Variants in MACF1 observed in about 807,000 individuals in gnomAD.
MACF1 encodes the protein microtubule-actin cross-linking factor 1.
MACF1 carries 193 observed loss-of-function variants against 854.8 expected under a neutral mutation model. That is an observed-to-expected ratio of 0.23 (90% CI 0.20 to 0.25). MACF1 has a LOEUF of 0.25. MACF1 is among the 10% of genes least tolerant of loss of function. MACF1 has a pLI of 1.00. For missense variants in MACF1, 7,722 were observed against 8,929.1 expected (o/e 0.86, Z 5.45); for synonymous variants, 3,185 against 3,226.7 (o/e 0.99, Z 0.44).
chr1:39,409,925 A>G lies in MACF1; in HGVS notation c.15817-12449A>G, dbSNP rs1168592805. 9.6e-6 allele frequency: 2 copies of G among 207,830 alleles called. No individual in the cohort carries two copies. The highest frequency in any genetic ancestry group is 2.2e-4 in the East Asian group (2 of 8,958). 12.9% of individuals were successfully genotyped at this position (207,830 alleles called of 1,614,324 possible). On this transcript the variant is annotated intron_variant, in intron 58 of 100. Transcript: ENST00000564288. This position sits in a 1 kb window ranked among gnomAD's most constrained non-coding sequence, Gnocchi z 4.2. ...CGGTGAGAAGTGAGTGGAACTAGAT[A>G]TCGAAAAAGACTCGTCAATATCAGA... is the stretch of plus-strand genomic sequence containing the variant.
At chr1:39,481,654 T>C (rs1645014258) in intron 99 of MACF1, among the ~76,000 whole-genome samples, 1 of 152,260 alleles carries the variant, frequency 6.6e-6, no homozygotes, top group South Asian at 2.1e-4. Flanking sequence ...CAATTAAGCA[T>C]GTTCAAGTGC....
intron 97 of MACF1, among the ~76,000 whole-genome samples, chr1:39,469,917 T>C (rs751589419): frequency 6.6e-6 from 1 of 151,984 alleles, no homozygotes; most frequent in South Asian, 2.1e-4. Context: ...GTAGATGCTC[T>C]TATCTCTGTT....
chr1:39,171,915 C>G (rs552483829), intron 2 of MACF1, among the ~76,000 whole-genome samples: 2 of 152,374 alleles, frequency 1.3e-5, no homozygotes, highest in East Asian at 3.8e-4. Flanking sequence ...CGTGAGCCAC[C>G]ACGCCCGGCC....
intron 22 of MACF1, among the ~76,000 whole-genome samples, chr1:39,302,673 G>A (rs1646074338): frequency 6.6e-6 from 1 of 152,094 alleles, no homozygotes; most frequent in African/African-American, 2.4e-5. Flanking sequence ...CATAGTCTGG[G>A]TTACTTGACA....
intron 2 of MACF1, among the ~76,000 whole-genome samples, chr1:39,180,304 T>G (rs1434831397): frequency 6.6e-6 from 1 of 151,900 alleles, no homozygotes; most frequent in Admixed American, 6.6e-5. Flanking sequence ...TAGGGATGAG[T>G]TGTGGCCAAT....
At chr1:39,260,758 C>T (rs377294693) in intron 6 of MACF1, among the ~76,000 whole-genome samples, 35 of 152,240 alleles carry the variant, frequency 2.3e-4, no homozygotes, top group African/African-American at 8.4e-4. Context: ...CAAAAAACCC[C>T]ATGAATTTTT....
intron 15 of MACF1, among the ~76,000 whole-genome samples, chr1:39,291,145 T>G (rs1045237012): frequency 2.0e-5 from 3 of 149,182 alleles, no homozygotes; most frequent in African/African-American, 5.0e-5. Context: ...CCTGGCTGAT[T>G]TTTGTATTTT....
chr1:39,196,250 T>C (rs561984124), intron 2 of MACF1, among the ~76,000 whole-genome samples: 63 of 152,358 alleles, frequency 4.1e-4, no homozygotes, highest in African/African-American at 1.5e-3. Context: ...ATAATACTCA[T>C]GGCATCTATG....
At chr1:39,471,510 A>G (rs1644776730) in intron 97 of MACF1, among the ~76,000 whole-genome samples, 1 of 152,220 alleles carries the variant, frequency 6.6e-6, no homozygotes, top group South Asian at 2.1e-4. Flanking sequence ...TTTAAAAGGT[A>G]GAAGATATCT....
intron 26 of MACF1, among the ~76,000 whole-genome samples, chr1:39,314,563 TCTCTCTCA>T (rs1310608686): frequency 4.8e-4 from 21 of 43,990 alleles, no homozygotes; most frequent in Non-Finnish European, 6.6e-4. Context: ...TCTCTCTCTC[TCTCTCTCA>T]CACACACACA....
intron 16 of MACF1, 129 bp downstream of exon 16, chr1:39,292,167 T>A: frequency 9.3e-7 from 1 of 1,080,824 alleles, no homozygotes; most frequent in Non-Finnish European, 1.3e-6. Context: ...TGAAGAGCGG[T>A]TTATGACAAA....
In MACF1 at chr1:39,309,703, A is replaced by C. The variant is rs1158381973; in HGVS notation, c.2916+7A>C. ...GACCTGGAACCTAGAAAAGGTAATT[A>C]TGAAAACCTTACCCCAGGCTTACAT... On this transcript the variant is annotated splice_region_variant and intron_variant, in intron 24 of 100. Coordinates refer to ENST00000564288, the MANE Select transcript of MACF1 (RefSeq NM_001394062.1). 1 of 1,608,330 alleles carries C rather than the reference A, an allele frequency of 6.2e-7. No homozygotes were observed. The highest frequency in any genetic ancestry group is 1.3e-5 in the African/African-American group (1 of 74,616).
At chr1:39,085,013 C>T (rs772841033) in intron 2 of MACF1, among the ~76,000 whole-genome samples, 1 of 152,122 alleles carries the variant, frequency 6.6e-6, no homozygotes, top group Non-Finnish European at 1.5e-5. Flanking sequence ...TTTCACACGA[C>T]GTGAAGGCTG....
chr1:39,310,373 G>A lies in MACF1; in HGVS notation c.3045G>A (p.Glu1015=). ...FSVADRLRLE[E]EVEACKARFQ... is the part of the protein sequence containing the mutation. ...TGGCTGATCGCTTGCGCTTGGAAGA[G>A]GAGGTGGAAGCTTGTAAAGCCCGCT... Residue 1015 remains glutamate (E), a synonymous_variant, in exon 25 of 101, where the codon GAG becomes GAA. Coordinates refer to ENST00000564288, the MANE Select transcript of MACF1 (RefSeq NM_001394062.1). 6.2e-7 allele frequency: 1 copy of A among 1,614,170 alleles called. No individual in the cohort carries two copies. The highest frequency in any genetic ancestry group is 8.5e-7 in the Non-Finnish European group (1 of 1,180,022).
In MACF1 at chr1:39,331,825, T is replaced by A. The variant is rs1346925836; in HGVS notation, c.5237T>A (p.Val1746Asp). The change falls in exon 37 of 101, where the codon GTT becomes GAT. Residue 1746 changes from valine to aspartate, a missense_variant. Coordinates refer to ENST00000564288, the MANE Select transcript of MACF1 (RefSeq NM_001394062.1). The stretch of plus-strand genomic sequence containing the variant: ...GTGAGCTTGAAATCAGGCCGGAAGG[T>A]TAGCATTTTCCGTGCAGTTCAGGAA... Reference protein sequence around the residue: ...GMVSLKSGRKVSIFRAVQEGL... With the variant: ...GMVSLKSGRKDSIFRAVQEGL... 1 of 1,613,980 alleles carries A rather than the reference T, an allele frequency of 6.2e-7. No individual in the cohort carries two copies. Among genetic ancestry groups the A allele is most frequent in the South Asian group, 1.1e-5 (1 of 91,068 alleles).
intron 1 of MACF1, among the ~76,000 whole-genome samples, chr1:39,216,360 T>C (rs903745738): frequency 6.6e-6 from 1 of 152,296 alleles, no homozygotes; most frequent in African/African-American, 2.4e-5. Flanking sequence ...TTGTGGAACA[T>C]GTATTTGTCT....
intron 2 of MACF1, 100 bp downstream of exon 2, chr1:39,231,343 C>A (rs1182363260): frequency 1.5e-5 from 16 of 1,100,546 alleles, no homozygotes; most frequent in South Asian, 2.5e-5. Flanking sequence ...TTGCTGTGTG[C>A]TCAAGTCTAT....
At chr1:39,290,310 C>T (rs1645748585) in intron 15 of MACF1, among the ~76,000 whole-genome samples, 1 of 152,186 alleles carries the variant, frequency 6.6e-6, no homozygotes, top group African/African-American at 2.4e-5. Context: ...AGTGTATGTT[C>T]TTGGCACATT....
chr1:39,443,674 G>C, intron 79 of MACF1, 100 bp downstream of exon 79: 1 of 1,300,980 alleles, frequency 7.7e-7, no homozygotes, highest in Non-Finnish European at 1.0e-6. Flanking sequence ...AATCTACAAA[G>C]TAGTGCATTT....
Sources: allele counts gnomAD v4.1 joint callset (sites outside exome capture counted in the v4.1 genomes callset), GRCh38; gene constraint gnomAD v4.1.1; non-coding constraint Gnocchi (gnomAD v3.1); transcripts MANE v1.5; gene names NCBI Gene and HGNC (gene_info 2026-07-23, HGNC 2026-07-21).